ARID2: variants seen among roughly 807,000 people sequenced by gnomAD.
The protein encoded by ARID2 is AT-rich interaction domain 2, also known as AT-rich interactive domain-containing protein 2.
In ARID2, 32 loss-of-function variants were observed where a neutral mutation model predicts 184.6. That is an observed-to-expected ratio of 0.17 (90% confidence interval 0.13 to 0.23). The LOEUF (loss-of-function observed/expected upper bound fraction) is 0.23. ARID2 is among the 10% of genes least tolerant of loss of function. ARID2 has a pLI of 1.00. For missense variants in ARID2, 1,696 were observed against 2,197.6 expected, an observed-to-expected ratio of 0.77 and a Z score of 4.56; for synonymous variants, 836 against 772.6, an observed-to-expected ratio of 1.08 and a Z score of -1.36.
At chr12:45,731,445 A>G in intron 3 of ARID2, 131 bp downstream of exon 3, 1 of 625,236 alleles carries the variant, frequency 1.6e-6, no homozygotes, top group Non-Finnish European at 2.8e-6. Context: ...AGACTGAGAC[A>G]CATTTAATAT....
intron 6 of ARID2, among the ~76,000 whole-genome samples, chr12:45,829,798 CTTCT>C (rs1364797699): frequency 1.8e-5 from 2 of 110,946 alleles, no homozygotes; most frequent in Non-Finnish European, 3.6e-5. Context: ...TATCTTTCTT[CTTCT>C]TTTTTTTTTT....
At chr12:45,795,111 C>G (rs552679684) in intron 3 of ARID2, among the ~76,000 whole-genome samples, 23 of 149,334 alleles carry the variant, frequency 1.5e-4, no homozygotes, top group Admixed American at 4.7e-4. Context: ...AATATAAATA[C>G]ATTTTATGTT....
At chr12:45,736,382 A>G (rs1282029941) in intron 3 of ARID2, among the ~76,000 whole-genome samples, 2 of 152,036 alleles carry the variant, frequency 1.3e-5, no homozygotes, top group Non-Finnish European at 2.9e-5. Flanking sequence ...GTATATTGCT[A>G]CTAGATATTT....
chr12:45,757,489 T>C lies in ARID2; in HGVS notation c.284+26175T>C, dbSNP rs550114612. Among the ~76,000 whole-genome samples the C allele has an allele frequency of 1.6e-4, 24 of 152,312 alleles. No individual in the cohort carries two copies. In the South Asian group the frequency reaches 4.6e-3, roughly 29 times the overall value. ...CTAGATAAAATGGACCCAACTGGGA[T>C]AGTCTTGAAAAATGTTTAACTTACT... On this transcript the variant is annotated intron_variant, in intron 3 of 20. Coordinates refer to ENST00000334344, the MANE Select transcript of ARID2 (RefSeq NM_152641.4).
chr12:45,872,644 C>A (rs1280977749), intron 16 of ARID2, among the ~76,000 whole-genome samples: 1 of 152,204 alleles, frequency 6.6e-6, no homozygotes, highest in Non-Finnish European at 1.5e-5. Context: ...CGTGAGAACT[C>A]ACTCACTATC....
chr12:45,751,839 T>G (rs1273741784), intron 3 of ARID2, among the ~76,000 whole-genome samples: 1 of 152,196 alleles, frequency 6.6e-6, no homozygotes, highest in Non-Finnish European at 1.5e-5. Flanking sequence ...AAATATGATA[T>G]TATAATCTTA....
intron 20 of ARID2, among the ~76,000 whole-genome samples, chr12:45,897,791 T>C (rs1944388809): frequency 6.6e-6 from 1 of 152,132 alleles, no homozygotes; most frequent in Non-Finnish European, 1.5e-5. Flanking sequence ...GAAAAAACAA[T>C]TTACTTATAG....
intron 16 of ARID2, among the ~76,000 whole-genome samples, chr12:45,872,133 C>T (rs247917): frequency 0.47 from 70,757 of 151,490 alleles, 16,830 homozygotes; most frequent in Admixed American, 0.55. Flanking sequence ...TTAATTTCTG[C>T]TCTTTTATTA....
intron 15 of ARID2, 79 bp downstream of exon 15, chr12:45,852,975 T>C: frequency 7.0e-7 from 1 of 1,436,492 alleles, no homozygotes; most frequent in Non-Finnish European, 9.1e-7. Flanking sequence ...TGCACTGTTT[T>C]CCATGTCTCA....
At chr12:45,817,375 A>C (rs1942820920) in intron 4 of ARID2, among the ~76,000 whole-genome samples, 1 of 152,050 alleles carries the variant, frequency 6.6e-6, no homozygotes, top group African/African-American at 2.4e-5. Flanking sequence ...AAGTGCAGCT[A>C]GGTCAATTAA....
At chr12:45,883,444 T>G (rs1180934421) in intron 16 of ARID2, among the ~76,000 whole-genome samples, 1 of 150,522 alleles carries the variant, frequency 6.6e-6, no homozygotes, top group African/African-American at 2.5e-5. Flanking sequence ...ATCTAGTATG[T>G]ACTTCAGCAA....
chr12:45,876,828 G>A (rs972536579), intron 16 of ARID2, among the ~76,000 whole-genome samples: 11 of 149,862 alleles, frequency 7.3e-5, no homozygotes, highest in African/African-American at 2.2e-4. Flanking sequence ...GGTGGCTCAC[G>A]CCTGTAATCC....
rs1943524965 is a variant in ARID2 at position 45,850,404 on chromosome 12, A to T, written c.2281A>T (p.Thr761Ser). Reference sequence around the variant, plus strand: ...ACCTGTTACAGTTGTGAATTCTCAGACATTGCTTCACCATCCATCTGTAAT... The same window carrying T: ...ACCTGTTACAGTTGTGAATTCTCAGTCATTGCTTCACCATCCATCTGTAAT... ...PQPVTVVNSQTLLHHPSVIPQ... is the reference protein window; with the variant it reads ...PQPVTVVNSQSLLHHPSVIPQ... Residue 761 changes from threonine (T) to serine (S), a missense_variant, in exon 15 of 21, where the codon ACA becomes TCA. Thr to Ser is a moderately conservative substitution (Grantham distance 58). Around this residue, in one of 11 missense-constraint regions of ARID2, gnomAD observed 713 missense variants for 824.4 expected, o/e 0.86. Transcript: ENST00000334344. The T allele has an allele frequency of 6.2e-7, 1 of 1,613,972 alleles. No individual in the cohort carries two copies. Among genetic ancestry groups the T allele is most frequent in the African/African-American group, 1.3e-5 (1 of 74,926 alleles).
intron 3 of ARID2, among the ~76,000 whole-genome samples, chr12:45,784,991 T>C (rs938754208): frequency 1.3e-5 from 2 of 152,218 alleles, no homozygotes; most frequent in Non-Finnish European, 2.9e-5. Context: ...ACTTGGAGCC[T>C]TTATCTTTCT....
intron 5 of ARID2, 105 bp from the exon 6 acceptor site, chr12:45,821,315 T>C (rs1386201085): frequency 6.8e-6 from 4 of 590,054 alleles, no homozygotes; most frequent in African/African-American, 2.0e-5. Flanking sequence ...ACACAAGATA[T>C]ATTAAGATGT....
chr12:45,871,503 A>G (rs917186882), intron 16 of ARID2, among the ~76,000 whole-genome samples: 9 of 152,098 alleles, frequency 5.9e-5, no homozygotes, highest in Non-Finnish European at 8.8e-5. Context: ...GTTTGATACA[A>G]TTTGCTAATA....
In ARID2 at chr12:45,905,136, T is replaced by C. The variant is rs1168211554; in HGVS notation, c.*58T>C. 1 of 1,550,488 alleles carries C rather than the reference T, an allele frequency of 6.4e-7. No homozygotes were observed. Among genetic ancestry groups the C allele is most frequent in the Non-Finnish European group, 8.8e-7 (1 of 1,141,954 alleles). ...AAGTCAGCCACATTTCACATACTGTTACTGAAGAAAGCACCAAGTCTTAAT... is the reference window on the plus strand; with the variant it reads ...AAGTCAGCCACATTTCACATACTGTCACTGAAGAAAGCACCAAGTCTTAAT... On this transcript the variant is annotated 3_prime_UTR_variant, in exon 21 of 21. Transcript: ENST00000334344.
At chr12:45,783,507 A>G (rs894078006) in intron 3 of ARID2, among the ~76,000 whole-genome samples, 1 of 152,232 alleles carries the variant, frequency 6.6e-6, no homozygotes, top group African/African-American at 2.4e-5. Context: ...GCACCAGGGA[A>G]CAGTTTTGTG....
At chr12:45,904,894 G>A (rs769386947) in intron 20 of ARID2, 40 bp from the exon 21 acceptor site, 1 of 1,604,056 alleles carries the variant, frequency 6.2e-7, no homozygotes. Flanking sequence ...TCATCGCTGT[G>A]ACCTTGGAGA....
Sources: allele counts gnomAD v4.1 joint callset (sites outside exome capture counted in the v4.1 genomes callset), GRCh38; gene constraint gnomAD v4.1.1; regional missense constraint gnomAD v4.1.1; transcripts MANE v1.5; gene names NCBI Gene and HGNC (gene_info 2026-07-23, HGNC 2026-07-21).